MSRA: variants seen among roughly 807,000 people sequenced by gnomAD.
MSRA encodes the protein mitochondrial peptide methionine sulfoxide reductase.
A neutral mutation model predicts 31.3 loss-of-function variants in MSRA; 54 were observed. The ratio of observed to expected loss-of-function variants is 1.73; its 90% CI spans 1.39 to 2.17. The LOEUF is 2.17. Ranked by LOEUF, MSRA falls within the 30% of genes most tolerant of loss-of-function variation. MSRA has a pLI of 0.00. For missense variants in MSRA, 507 were observed against 300.9 expected (o/e 1.69, Z -5.07); for synonymous variants, 169 against 116.5 (o/e 1.45, Z -2.90).
intron 3 of MSRA, among the ~76,000 whole-genome samples, chr8:10,249,230 G>C (rs1585271386): frequency 6.6e-6 from 1 of 152,232 alleles, no homozygotes; most frequent in East Asian, 1.9e-4. Flanking sequence ...ATGAAATCAG[G>C]TTAGTCAGGC....
intron 1 of MSRA, among the ~76,000 whole-genome samples, chr8:10,186,660 T>G (rs1807081876): frequency 6.6e-6 from 1 of 152,186 alleles, no homozygotes; most frequent in Non-Finnish European, 1.5e-5. Context: ...GCATACAATT[T>G]AAACCTTTAA....
At chr8:10,203,701 T>A (rs1055331785) in intron 1 of MSRA, among the ~76,000 whole-genome samples, 14 of 152,370 alleles carry the variant, frequency 9.2e-5, no homozygotes, top group African/African-American at 3.4e-4. Context: ...TATACTATAC[T>A]TTTTGTCCTT....
At chr8:10,412,179 G>A (rs1485220932) in intron 5 of MSRA, among the ~76,000 whole-genome samples, 1 of 152,212 alleles carries the variant, frequency 6.6e-6, no homozygotes, top group Non-Finnish European at 1.5e-5. Context: ...TAAGGAAAAT[G>A]TTTCCGTTTT....
intron 3 of MSRA, among the ~76,000 whole-genome samples, chr8:10,289,418 G>A (rs552504378): frequency 6.6e-6 from 1 of 152,070 alleles, no homozygotes; most frequent in East Asian, 1.9e-4. Context: ...TATTTATGGG[G>A]TACATGAGCT....
At chr8:10,153,309 C>A (rs1803870223) in intron 1 of MSRA, among the ~76,000 whole-genome samples, 1 of 152,058 alleles carries the variant, frequency 6.6e-6, no homozygotes, top group Non-Finnish European at 1.5e-5. Context: ...TGTCTTTCTT[C>A]CAGTTAATTG....
chr8:10,158,983 G>A (rs554269117), intron 1 of MSRA, among the ~76,000 whole-genome samples: 1 of 152,126 alleles, frequency 6.6e-6, no homozygotes, highest in African/African-American at 2.4e-5. Flanking sequence ...GCCATTGGAG[G>A]GTTTTAGGGA....
intron 5 of MSRA, among the ~76,000 whole-genome samples, chr8:10,370,935 C>A (rs568386738): frequency 6.6e-6 from 1 of 152,172 alleles, no homozygotes; most frequent in South Asian, 2.1e-4. Flanking sequence ...CTGTCACACA[C>A]GCTCGTGGGC....
intron 1 of MSRA, among the ~76,000 whole-genome samples, chr8:10,133,026 G>T (rs1465383201): frequency 6.6e-6 from 1 of 152,182 alleles, no homozygotes; most frequent in East Asian, 1.9e-4. Flanking sequence ...TCATACAAGA[G>T]TGCCTAGAGT....
intron 5 of MSRA, among the ~76,000 whole-genome samples, chr8:10,364,559 C>G (rs1805047295): frequency 6.6e-6 from 1 of 152,172 alleles, no homozygotes; most frequent in Non-Finnish European, 1.5e-5. Flanking sequence ...TTCTCATACA[C>G]CAAAAAATAT....
At chr8:10,362,536 G>A (rs1382147630) in intron 5 of MSRA, among the ~76,000 whole-genome samples, 2 of 151,316 alleles carry the variant, frequency 1.3e-5, no homozygotes, top group Non-Finnish European at 2.9e-5. Flanking sequence ...GGGAGGGGAG[G>A]CCACTGAGAC....
intron 1 of MSRA, among the ~76,000 whole-genome samples, chr8:10,207,169 C>T (rs943614597): frequency 2.0e-5 from 3 of 152,152 alleles, no homozygotes; most frequent in African/African-American, 7.2e-5. Flanking sequence ...AAAACAATAA[C>T]CTGGTCACTT....
intron 1 of MSRA, among the ~76,000 whole-genome samples, chr8:10,194,356 C>T (rs929480736): frequency 6.6e-6 from 1 of 152,126 alleles, no homozygotes; most frequent in African/African-American, 2.4e-5. Flanking sequence ...CACTTGAGGT[C>T]AGGAGTTTGA....
chr8:10,360,915 G>A (rs933665421), intron 5 of MSRA, among the ~76,000 whole-genome samples: 1 of 152,122 alleles, frequency 6.6e-6, no homozygotes. Flanking sequence ...AACATACTTG[G>A]GCAAGCCTGT....
At chr8:10,215,717 G>T (rs758309842) in intron 2 of MSRA, among the ~76,000 whole-genome samples, 1 of 152,196 alleles carries the variant, frequency 6.6e-6, no homozygotes, top group Admixed American at 6.5e-5. Flanking sequence ...GTTTGCTTCT[G>T]TGTCAATACA....
At chr8:10,082,820 C>G (rs2128923751) in intron 1 of MSRA, among the ~76,000 whole-genome samples, 1 of 152,298 alleles carries the variant, frequency 6.6e-6, no homozygotes, top group Admixed American at 6.5e-5. Flanking sequence ...TGTGTTCACT[C>G]TATCACCTTA....
chr8:10,338,353 A>G (rs1452901771), intron 5 of MSRA, among the ~76,000 whole-genome samples: 1 of 152,202 alleles, frequency 6.6e-6, no homozygotes, highest in African/African-American at 2.4e-5. Context: ...GGAGTGGGGA[A>G]GGGAGGAGGA....
rs549684993 is a variant in MSRA, at chr8:10,200,977, C to G, written c.143-6856C>G. ...CGCTGCAGAGATGGGAGTGGCTAGT[C>G]TGAGGCCAGGGCTTGTGGGCCACAT... is the stretch of plus-strand genomic sequence containing the variant. On this transcript the variant is annotated intron_variant, in intron 1 of 5. Transcript: ENST00000317173. Among the ~76,000 whole-genome samples the G allele has an allele frequency of 2.7e-4, 41 of 152,256 alleles. 1 individual carries two copies. Among genetic ancestry groups the G allele is most frequent in the South Asian group, 1.5e-3 (7 of 4,818 alleles).
At chr8:10,394,090 G>A (rs190638765) in intron 5 of MSRA, among the ~76,000 whole-genome samples, 22 of 152,296 alleles carry the variant, frequency 1.4e-4, no homozygotes, top group African/African-American at 5.1e-4. Context: ...GAGCTAGACG[G>A]CATCTGCGTC....
intron 5 of MSRA, among the ~76,000 whole-genome samples, chr8:10,330,628 G>A (rs1802640670): frequency 6.6e-6 from 1 of 152,198 alleles, no homozygotes; most frequent in African/African-American, 2.4e-5. Flanking sequence ...CCCACATACA[G>A]TCACAGAAGC....
Sources: gnomAD v4.1 joint callset for allele counts (sites outside exome capture counted in the v4.1 genomes callset) on GRCh38, gnomAD v4.1.1 for gene constraint, MANE v1.5 for transcripts, NCBI Gene and HGNC (gene_info 2026-07-23, HGNC 2026-07-21) for gene names.